SEC14L1: variants seen among roughly 807,000 people sequenced by gnomAD.
SEC14L1 encodes SEC14 like lipid binding 1.
Under a neutral mutation model 85.3 loss-of-function variants are expected in SEC14L1, and 48 were observed. The ratio of observed to expected loss-of-function variants is 0.56; its 90% CI spans 0.45 to 0.72. The LOEUF (loss-of-function observed/expected upper bound fraction) is 0.72. SEC14L1 is among the 30% of genes least tolerant of loss of function. The pLI is 0.00. For missense variants in SEC14L1, 682 were observed against 921.4 expected (o/e 0.74, Z 3.36); for synonymous variants, 391 against 355.5 (o/e 1.10, Z -1.12).
intron 3 of SEC14L1, among the ~76,000 whole-genome samples, chr17:77,100,804 C>A (rs754670497): frequency 1.3e-5 from 2 of 152,084 alleles, no homozygotes; most frequent in African/African-American, 4.8e-5. Flanking sequence ...CGTAACTTTA[C>A]GTAAGGTCAA....
At chr17:77,098,392 G>A (rs1219156056) in intron 3 of SEC14L1, among the ~76,000 whole-genome samples, 1 of 152,008 alleles carries the variant, frequency 6.6e-6, no homozygotes, top group Non-Finnish European at 1.5e-5. Flanking sequence ...CCAGCTACTC[G>A]GGAGGCTGAG....
In SEC14L1 at chr17:77,143,500, A is replaced by C. The variant is rs551979076; in HGVS notation, c.-30-67A>C. The C allele has an allele frequency of 2.1e-4, 180 of 858,800 alleles. No homozygotes were observed. The African/African-American group carries it at 2.6e-3, about 12-fold the overall frequency. The allele number at this position is 858,800 out of a possible 1,614,324, so 53.2% of individuals were successfully genotyped here. A position where few individuals can be genotyped will look rare whatever the true frequency, so the allele number is the denominator to read the frequency against. On this transcript the variant is annotated intron_variant, in intron 2 of 16. Coordinates refer to ENST00000436233, the MANE Select transcript of SEC14L1 (RefSeq NM_001143998.2). The stretch of plus-strand genomic sequence containing the variant: ...TCGTTAGAGTGTGGTATGATGTGTC[A>C]GTGCAGACTTACTAATAATTTGTTT...
At chr17:77,187,977 T>G (rs1036320523) in intron 3 of SEC14L1, among the ~76,000 whole-genome samples, 1 of 152,204 alleles carries the variant, frequency 6.6e-6, no homozygotes, top group African/African-American at 2.4e-5. Flanking sequence ...ACTCCTGGGC[T>G]CAAGTGATCT....
At chr17:77,100,117 G>T (rs563884689) in intron 3 of SEC14L1, among the ~76,000 whole-genome samples, 3 of 152,238 alleles carry the variant, frequency 2.0e-5, no homozygotes, top group Non-Finnish European at 2.9e-5. Context: ...TCCGAGGAGC[G>T]GGCGTGCTGC....
chr17:77,161,582 A>C (rs1042122647), intron 3 of SEC14L1, among the ~76,000 whole-genome samples: 5 of 152,326 alleles, frequency 3.3e-5, no homozygotes, highest in East Asian at 1.9e-4. Flanking sequence ...TCAACATTAA[A>C]GGTTCAAGGA....
chr17:77,149,087 C>G (rs549723794), intron 3 of SEC14L1, among the ~76,000 whole-genome samples: 1 of 152,310 alleles, frequency 6.6e-6, no homozygotes, highest in East Asian at 1.9e-4. Context: ...TCTTGTCCTT[C>G]CACACGTCCC....
At position 77,148,774 on chromosome 17, in the gene SEC14L1, C is replaced by T. The variant is rs573940249; in HGVS notation, c.63+5115C>T. On this transcript the variant is annotated intron_variant, in intron 3 of 16. Transcript: ENST00000436233. Reference sequence around the variant, plus strand: ...ATCCCTTAGGTCACTTTGTGCTCCCCTGCCACACACTTTCCATTGTGTGTG... The same window carrying T: ...ATCCCTTAGGTCACTTTGTGCTCCCTTGCCACACACTTTCCATTGTGTGTG... 2.0e-5 allele frequency among the ~76,000 whole-genome samples: 3 copies of T among 152,366 alleles called. No homozygotes were observed. In the East Asian group the frequency reaches 5.8e-4, roughly 29 times the overall value.
At chr17:77,147,121 G>T (rs998183290) in intron 3 of SEC14L1, among the ~76,000 whole-genome samples, 9 of 152,252 alleles carry the variant, frequency 5.9e-5, no homozygotes, top group African/African-American at 2.2e-4. Flanking sequence ...CCGGCACGCA[G>T]TCACGGGAGG....
intron 9 of SEC14L1, among the ~76,000 whole-genome samples, chr17:77,201,359 C>G (rs1830674592): frequency 6.6e-6 from 1 of 152,154 alleles, no homozygotes; most frequent in Non-Finnish European, 1.5e-5. Flanking sequence ...TGAACAAGTC[C>G]TTGCAGAACC....
At position 77,143,588 on chromosome 17, in the gene SEC14L1, A is replaced by G. The variant is rs199574629; in HGVS notation, c.-9A>G. ...GCAGGTGTGAGAGGGTTGCTGTTGTATTGCAATCATGGTGCAGAAATACCA... is the reference window on the plus strand; with the variant it reads ...GCAGGTGTGAGAGGGTTGCTGTTGTGTTGCAATCATGGTGCAGAAATACCA... On this transcript the variant is annotated 5_prime_UTR_variant, in exon 3 of 17. Transcript: ENST00000436233. 5.6e-6 allele frequency: 9 copies of G among 1,612,052 alleles called. No homozygotes were observed. Among genetic ancestry groups the G allele is most frequent in the African/African-American group, 2.7e-5 (2 of 75,006 alleles).
intron 8 of SEC14L1, among the ~76,000 whole-genome samples, chr17:77,196,554 C>T (rs1029676309): frequency 6.6e-6 from 1 of 152,210 alleles, no homozygotes; most frequent in Non-Finnish European, 1.5e-5. Flanking sequence ...AACAGTGTCA[C>T]GTCACAAAGC....
chr17:77,100,080 C>T (rs761167934), intron 3 of SEC14L1, among the ~76,000 whole-genome samples: 2 of 152,256 alleles, frequency 1.3e-5, no homozygotes, highest in Non-Finnish European at 2.9e-5. Flanking sequence ...AGCCATTTTC[C>T]ATTCCTTCAG....
In SEC14L1 at chr17:77,214,998, C is replaced by T. The variant is rs2143251104; in HGVS notation, c.*975C>T. On this transcript the variant is annotated 3_prime_UTR_variant, in exon 17 of 17. Coordinates refer to ENST00000436233, the MANE Select transcript of SEC14L1 (RefSeq NM_001143998.2). The stretch of plus-strand genomic sequence containing the variant: ...AGCTAAGCAGCAGCTCTCGCATCCA[C>T]TTCAGGGTGGCGTGTGGCATGTAGG... 1.0e-6 allele frequency: 1 copy of T among 985,512 alleles called. No individual in the cohort carries two copies. The highest frequency in any genetic ancestry group is 1.1e-4 in the East Asian group (1 of 8,806). 61.0% of individuals were successfully genotyped at this position (985,512 alleles called of 1,614,324 possible).
intron 3 of SEC14L1, among the ~76,000 whole-genome samples, chr17:77,103,522 A>G (rs1294529545): frequency 2.0e-5 from 3 of 148,882 alleles, no homozygotes; most frequent in African/African-American, 7.5e-5. Flanking sequence ...GCTCACTGCA[A>G]CCTCTGCCTC....
chr17:77,191,294 T>C lies in SEC14L1; in HGVS notation c.327T>C (p.Asn109=). Residue 109 remains asparagine, a synonymous_variant, in exon 5 of 17, where the codon AAT becomes AAC. Transcript: ENST00000436233. ...NETFSNRVII[N]EHCCYTVHPE... The stretch of plus-strand genomic sequence containing the variant: ...CGTTTTCCAATCGGGTCATCATTAA[T>C]GAGCATTGCTGCTACACCGTGAGTA... 2 of 1,614,192 alleles carry C rather than the reference T, an allele frequency of 1.2e-6. No individual in the cohort carries two copies. Among genetic ancestry groups the C allele is most frequent in the Non-Finnish European group, 1.7e-6 (2 of 1,179,988 alleles).
chr17:77,196,173 G>A (rs747578629), intron 7 of SEC14L1, 29 bp from the exon 8 acceptor site: 1 of 1,548,982 alleles, frequency 6.5e-7, no homozygotes, highest in African/African-American at 1.4e-5. Flanking sequence ...AGTGTTCTTT[G>A]TTGTAAATAA....
At chr17:77,199,201 T>G (rs940433401) in intron 8 of SEC14L1, 1 of 152,572 alleles carries the variant, frequency 6.6e-6, no homozygotes, top group Non-Finnish European at 1.5e-5. Context: ...ACAGGGTTTC[T>G]CCATGCTGCT....
chr17:77,139,796 C>T (rs1215819018), upstream of SEC14L1, among the ~76,000 whole-genome samples: 1 of 152,024 alleles, frequency 6.6e-6, no homozygotes, highest in Non-Finnish European at 1.5e-5. Context: ...CCGCGCCCGG[C>T]CGGTGGATGT....
intron 3 of SEC14L1, chr17:77,185,388 A>T: frequency 1.0e-6 from 1 of 985,436 alleles, no homozygotes; most frequent in Non-Finnish European, 1.2e-6. Context: ...GCCAAGGTAA[A>T]GTGAACGTCT....
Sources: gnomAD v4.1 joint callset for allele counts (sites outside exome capture counted in the v4.1 genomes callset) on GRCh38, gnomAD v4.1.1 for gene constraint, MANE v1.5 for transcripts, NCBI Gene and HGNC (gene_info 2026-07-23, HGNC 2026-07-21) for gene names.